Variants in C1orf21 observed in about 807,000 individuals in gnomAD.
C1orf21 encodes chromosome 1 open reading frame 21, also known as uncharacterized protein C1orf21.
Under a neutral mutation model 18.7 loss-of-function variants are expected in C1orf21, and 3 were observed. The ratio of observed to expected loss-of-function variants is 0.16; its 90% CI spans 0.07 to 0.42. The LOEUF is 0.42. C1orf21 is among the 10% of genes least tolerant of loss of function. C1orf21 has a pLI of 0.99. For synonymous variants in C1orf21, 41 were observed against 46.4 expected (o/e 0.88, Z 0.47); for missense variants, 104 against 143.6 (o/e 0.72, Z 1.41).
chr1:184,615,355 C>A (rs1014252043), intron 5 of C1orf21, among the ~76,000 whole-genome samples: 1 of 152,166 alleles, frequency 6.6e-6, no homozygotes, highest in Non-Finnish European at 1.5e-5. Context: ...TTCAAACAAG[C>A]CTTCTTTGTC....
chr1:184,476,764 A>T (rs116394191), intron 1 of C1orf21, among the ~76,000 whole-genome samples: 238 of 152,324 alleles, frequency 1.6e-3, no homozygotes, highest in African/African-American at 5.5e-3. Flanking sequence ...AATGGACAGA[A>T]GTAAGTTTTA....
chr1:184,613,223 T>C (rs1659766586), intron 5 of C1orf21, among the ~76,000 whole-genome samples: 1 of 152,232 alleles, frequency 6.6e-6, no homozygotes, highest in South Asian at 2.1e-4. Flanking sequence ...GTGCTGGGCT[T>C]ACAGGTGTGA....
intron 1 of C1orf21, among the ~76,000 whole-genome samples, chr1:184,476,879 A>G (rs999480119): frequency 2.9e-4 from 44 of 152,142 alleles, no homozygotes; most frequent in Non-Finnish European, 1.0e-4. Flanking sequence ...AAAGTAGCCC[A>G]TGTACCAGTC....
At chr1:184,474,544 C>A in intron 1 of C1orf21, among the ~76,000 whole-genome samples, 1 of 152,222 alleles carries the variant, frequency 6.6e-6, no homozygotes, top group East Asian at 1.9e-4. Context: ...ATACCACTAA[C>A]TGCTTTTCGG....
At chr1:184,506,536 T>G (rs986107452) in intron 2 of C1orf21, among the ~76,000 whole-genome samples, 1 of 152,212 alleles carries the variant, frequency 6.6e-6, no homozygotes, top group Non-Finnish European at 1.5e-5. Flanking sequence ...TAGACAGCTG[T>G]CTTTCAGGTG....
intron 2 of C1orf21, among the ~76,000 whole-genome samples, chr1:184,499,313 T>A (rs1657938166): frequency 6.6e-6 from 1 of 152,232 alleles, no homozygotes; most frequent in Non-Finnish European, 1.5e-5. Flanking sequence ...GTAAAGACAT[T>A]GCATTAATTA....
intron 3 of C1orf21, among the ~76,000 whole-genome samples, chr1:184,534,524 CTA>C (rs1183653481): frequency 6.6e-6 from 1 of 152,126 alleles, no homozygotes; most frequent in Non-Finnish European, 1.5e-5. Flanking sequence ...AACAAAGACA[CTA>C]TTACAAATTG....
At chr1:184,507,008 A>AAT (rs1417483387) in intron 2 of C1orf21, among the ~76,000 whole-genome samples, 1 of 150,494 alleles carries the variant, frequency 6.6e-6, no homozygotes, top group Non-Finnish European at 1.5e-5. Context: ...ATATGAAATA[A>AAT]ATATATATAT....
intron 3 of C1orf21, among the ~76,000 whole-genome samples, chr1:184,539,425 C>T (rs1404543617): frequency 6.6e-6 from 1 of 152,126 alleles, no homozygotes; most frequent in African/African-American, 2.4e-5. Context: ...CATCAATGTT[C>T]ATAAGAAATA....
At chr1:184,598,010 A>T (rs939796147) in intron 4 of C1orf21, among the ~76,000 whole-genome samples, 2 of 152,196 alleles carry the variant, frequency 1.3e-5, no homozygotes, top group African/African-American at 4.8e-5. Context: ...ATTTCAATAC[A>T]ATAACTAGGA....
chr1:184,627,332 A>G lies in C1orf21; in HGVS notation c.*7776A>G, dbSNP rs1383216784. ...CACCCCCAGAAAAATAATTAGAAAAATGTTTAGGAGAAAGGAAAAGAATTA... is the reference window on the plus strand; with the variant it reads ...CACCCCCAGAAAAATAATTAGAAAAGTGTTTAGGAGAAAGGAAAAGAATTA... On this transcript the variant is annotated 3_prime_UTR_variant, in exon 6 of 6. Transcript: ENST00000235307. The G allele has an allele frequency of 6.6e-6, 1 of 152,068 alleles. No individual in the cohort carries two copies. The highest frequency in any genetic ancestry group is 1.5e-5 in the Non-Finnish European group (1 of 68,026). 9.4% of individuals were successfully genotyped at this position (152,068 alleles called of 1,614,324 possible). A position where few individuals can be genotyped will look rare whatever the true frequency, so the allele number is the denominator to read the frequency against.
At chr1:184,421,600 A>G (rs549085751) in intron 1 of C1orf21, among the ~76,000 whole-genome samples, 1 of 152,364 alleles carries the variant, frequency 6.6e-6, no homozygotes, top group East Asian at 1.9e-4. Context: ...CCAAGAAAGT[A>G]AACGTGACAG....
chr1:184,419,252 G>A (rs531732021), intron 1 of C1orf21, among the ~76,000 whole-genome samples: 171 of 152,246 alleles, frequency 1.1e-3, no homozygotes, highest in African/African-American at 4.0e-3. Context: ...GGCTTTTGGT[G>A]AAGATAAAAT....
At chr1:184,500,186 TA>T (rs1304820883) in intron 2 of C1orf21, among the ~76,000 whole-genome samples, 1 of 152,176 alleles carries the variant, frequency 6.6e-6, no homozygotes, top group Non-Finnish European at 1.5e-5. Context: ...TGCACCTTCC[TA>T]AAAGAGTCCA....
chr1:184,582,125 T>C (rs775786512), intron 3 of C1orf21, among the ~76,000 whole-genome samples: 2 of 152,218 alleles, frequency 1.3e-5, no homozygotes, highest in Non-Finnish European at 2.9e-5. Flanking sequence ...ATCACCATCA[T>C]TCAGAAGACA....
At chr1:184,416,539 C>A (rs1431630312) in intron 1 of C1orf21, among the ~76,000 whole-genome samples, 1 of 152,008 alleles carries the variant, frequency 6.6e-6, no homozygotes, top group African/African-American at 2.4e-5. Context: ...GCAAAAATGT[C>A]CAGCACAAAT....
chr1:184,443,420 T>C (rs1381533862), intron 1 of C1orf21, among the ~76,000 whole-genome samples: 1 of 152,146 alleles, frequency 6.6e-6, no homozygotes, highest in Non-Finnish European at 1.5e-5. Flanking sequence ...GGCTAACAAG[T>C]CTAAAAATAC....
chr1:184,591,793 G>A (rs980164972), intron 4 of C1orf21, among the ~76,000 whole-genome samples: 6 of 151,256 alleles, frequency 4.0e-5, no homozygotes, highest in Admixed American at 6.6e-5. Context: ...GCGACAGAGC[G>A]AGACTCCATC....
At chr1:184,495,544 C>T (rs1233264854) in intron 2 of C1orf21, among the ~76,000 whole-genome samples, 2 of 152,102 alleles carry the variant, frequency 1.3e-5, no homozygotes, top group African/African-American at 2.4e-5. Context: ...TATACTTACT[C>T]ATCTTCCCTC....
Sources: gnomAD v4.1 joint callset for allele counts (sites outside exome capture counted in the v4.1 genomes callset) on GRCh38, gnomAD v4.1.1 for gene constraint, MANE v1.5 for transcripts, NCBI Gene and HGNC (gene_info 2026-07-23, HGNC 2026-07-21) for gene names.